The following F12 variants were observed in gnomAD, a reference collection of about 807,000 sequenced individuals.
The protein encoded by F12 is coagulation factor XII, also known as Hageman factor.
In F12, 70 loss-of-function variants were observed where a neutral mutation model predicts 74.8. That is an observed-to-expected ratio of 0.94 (90% confidence interval 0.77 to 1.14). The LOEUF (loss-of-function observed/expected upper bound fraction) is 1.14. F12 is among the 50% of genes most tolerant of loss of function. F12 has a pLI of 0.00. For synonymous variants in F12, 373 were observed against 356.4 expected, an observed-to-expected ratio of 1.05 and a Z score of -0.52; for missense variants, 811 against 835.7, an observed-to-expected ratio of 0.97 and a Z score of 0.36.
Position 177,405,943 on chromosome 5 carries a change from C to G in F12, c.215+19G>C. The G allele has an allele frequency of 6.2e-7, 1 of 1,612,182 alleles. No homozygotes were observed. The highest frequency in any genetic ancestry group is 8.5e-7 in the Non-Finnish European group (1 of 1,178,312). On this transcript the variant is annotated intron_variant, in intron 3 of 13. Transcript: ENST00000253496. ...CATGTCTCCCAGGCCCCTGCTCCAA[C>G]TCCTCTGCGTAGTCTTACCAGGGCT...
chr5:177,404,139 G>A (rs1180698639), intron 9 of F12, 49 bp from the exon 10 acceptor site: 4 of 1,585,640 alleles, frequency 2.5e-6, no homozygotes, highest in Non-Finnish European at 3.4e-6. Context: ...CCGGCTGGCC[G>A]GAATCTAGCT....
intron 2 of F12, among the ~76,000 whole-genome samples, chr5:177,406,346 G>A (rs1763294012): frequency 5.3e-5 from 8 of 152,306 alleles, no homozygotes; most frequent in Middle Eastern, 3.4e-3. Flanking sequence ...AAAATTAGCT[G>A]GGGGTGGTGG....
intron 2 of F12, 45 bp downstream of exon 2, chr5:177,409,001 C>T (rs1278162985): frequency 1.9e-6 from 3 of 1,541,842 alleles, no homozygotes; most frequent in South Asian, 1.2e-5. Context: ...GCACCATACA[C>T]ATCCCCACCC....
In F12 at chr5:177,402,561, CG is replaced by C. The variant is rs1561639482; in HGVS notation, c.1668del (p.Asp557MetfsTer107). Reference sequence around the variant, plus strand: ...GGCTAAGAGCTCACCTGGCACGCATCGGTGCCGCCCTCGAGGAACCCTGCGC... The same window carrying C: ...GGCTAAGAGCTCACCTGGCACGCATCGTGCCGCCCTCGAGGAACCCTGCGC... ...MLCAGFLEGGTDACQGDSGGP... is the reference protein window; with the variant it reads ...MLCAGFLEGGXDACQGDSGGP... On this transcript the variant is annotated frameshift_variant, in exon 13 of 14. Coordinates refer to ENST00000253496, the MANE Select transcript of F12 (RefSeq NM_000505.4). LOFTEE classifies it low-confidence loss of function (END_TRUNC). 9 of 1,611,692 alleles carry C rather than the reference CG, an allele frequency of 5.6e-6. No individual in the cohort carries two copies. Among genetic ancestry groups the C allele is most frequent in the Non-Finnish European group, 7.6e-6 (9 of 1,179,348 alleles).
At chr5:177,408,323 G>C (rs370818450) in intron 2 of F12, among the ~76,000 whole-genome samples, 3 of 152,278 alleles carry the variant, frequency 2.0e-5, no homozygotes, top group East Asian at 1.9e-4. Context: ...CAAAGTGCTG[G>C]GATTACAGGC....
chr5:177,408,200 C>A (rs1345900850), intron 2 of F12, among the ~76,000 whole-genome samples: 1 of 152,074 alleles, frequency 6.6e-6, no homozygotes, highest in African/African-American at 2.4e-5. Flanking sequence ...GGACTACTGG[C>A]GCATGCCACC....
At chr5:177,403,835 G>A (rs939692296) in intron 10 of F12, 24 bp downstream of exon 10, 14 of 1,494,598 alleles carry the variant, frequency 9.4e-6, no homozygotes, top group African/African-American at 1.4e-5. Flanking sequence ...CCCCTGGGGC[G>A]GCTCTGGGCG....
At chr5:177,403,677 A>G in intron 10 of F12, 60 bp from the exon 11 acceptor site, 2 of 1,576,484 alleles carry the variant, frequency 1.3e-6, no homozygotes, top group South Asian at 2.2e-5. Context: ...GTTCTGGGGA[A>G]GCCCCCTGCT....
intron 3 of F12, 24 bp downstream of exon 3, chr5:177,405,938 T>G (rs1427949889): frequency 6.2e-7 from 1 of 1,610,480 alleles, no homozygotes; most frequent in Admixed American, 1.7e-5. Context: ...AGGCCCCTGC[T>G]CCAACTCCTC....
chr5:177,403,253 C>A lies in F12; in HGVS notation c.1531+1G>T, dbSNP rs767075430. 2 of 1,600,654 alleles carry A rather than the reference C, an allele frequency of 1.2e-6. No individual in the cohort carries two copies. The highest frequency in any genetic ancestry group is 2.2e-5 in the South Asian group (2 of 91,070). ...CCCCTGCCCCTAGCAGTTGTGCCTA[C>A]CCTCGAACTGGTGGCCCCAGCCGGC... On this transcript the variant is annotated splice_donor_variant, in intron 12 of 13. Transcript: ENST00000253496. LOFTEE classifies it high-confidence loss of function.
chr5:177,406,522 A>G (rs1297268618), intron 2 of F12, among the ~76,000 whole-genome samples: 3 of 152,080 alleles, frequency 2.0e-5, no homozygotes, highest in African/African-American at 4.8e-5. Flanking sequence ...TTCAGGAGTC[A>G]GATAGCTGGA....
At position 177,404,178 on chromosome 5, in the gene F12, C is replaced by A. The variant is rs751557350; in HGVS notation, c.1018+18G>T. On this transcript the variant is annotated intron_variant, in intron 9 of 13. Coordinates refer to ENST00000253496, the MANE Select transcript of F12 (RefSeq NM_000505.4). ...CCGGCGCCCTCTCGGCTCCTCCTTC[C>A]CCCCCCCACTTCCTAACCTCCCGGG... 42 of 1,404,220 alleles carry A rather than the reference C, an allele frequency of 3.0e-5. No homozygotes were observed. Among genetic ancestry groups the A allele is most frequent in the Admixed American group, 4.6e-5 (2 of 43,920 alleles). 87.0% of individuals were successfully genotyped at this position (1,404,220 alleles called of 1,614,324 possible).
At chr5:177,407,371 G>C (rs1172432677) in intron 2 of F12, among the ~76,000 whole-genome samples, 2 of 152,196 alleles carry the variant, frequency 1.3e-5, no homozygotes, top group Admixed American at 1.3e-4. Context: ...AGCAGTGTCT[G>C]GCACAAAGTA....
Position 177,404,083 on chromosome 5 carries a change from C to G in F12, c.1026G>C (p.Pro342=), listed in dbSNP as rs973137713. The G allele has an allele frequency of 1.9e-6, 3 of 1,602,426 alleles. No individual in the cohort carries two copies. Among genetic ancestry groups the G allele is most frequent in the Admixed American group, 3.4e-5 (2 of 59,608 alleles). ...PPQSQTPGAL[P]AKREQPPSLT... ...GGGAAGGCGGCTGCTCCCGCTTCGC[C>G]GGCAAGGCTGTGGAGGAGCAGGGGC... The change falls in exon 10 of 14, where the codon CCG becomes CCC. Residue 342 remains proline, a synonymous_variant. Coordinates refer to ENST00000253496, the MANE Select transcript of F12 (RefSeq NM_000505.4).
rs17876017 is a variant in F12, at chr5:177,407,344, A to C, written c.116-1283T>G. Among the ~76,000 whole-genome samples the C allele has an allele frequency of 5.9e-3, 901 of 152,308 alleles. 11 individuals are homozygous for C. Among genetic ancestry groups the C allele is most frequent in the African/African-American group, 0.021 (858 of 41,564 alleles). On this transcript the variant is annotated intron_variant, in intron 2 of 13. Coordinates refer to ENST00000253496, the MANE Select transcript of F12 (RefSeq NM_000505.4). ...GAATTGTCGTGGGGCTTCATGAGAT[A>C]ATGCCATGAAATGCTGAGCAGTGTC...
At position 177,403,378 on chromosome 5, in the gene F12, C is replaced by A. The variant is rs1003936722; in HGVS notation, c.1407G>T (p.Glu469Asp). Residue 469 changes from glutamate (E) to aspartate (D), a missense_variant, in exon 12 of 14, where the codon GAG becomes GAT. Coordinates refer to ENST00000253496, the MANE Select transcript of F12 (RefSeq NM_000505.4). ...GGAGCGCGCAGCTGCCGTCCGCATC[C>A]TCCTGAAGGCGCAACAGAGCTAACC... ...QHDLALLRLQ[E>D]DADGSCALLS... 2 of 1,598,094 alleles carry A rather than the reference C, an allele frequency of 1.3e-6. No homozygotes were observed. Among genetic ancestry groups the A allele is most frequent in the African/African-American group, 2.7e-5 (2 of 74,892 alleles).
chr5:177,402,341 G>T lies in F12; in HGVS notation c.1799C>A (p.Thr600Asn). ...CCAGGCCAGGTAGTAGGCCACATCG[G>T]TGTAGACGCCTGGCTTGTTGCGGTC... is the stretch of plus-strand genomic sequence containing the variant. ...CGDRNKPGVY[T>N]DVAYYLAWIR... The change falls in exon 14 of 14, where the codon ACC becomes AAC. Residue 600 changes from threonine (T) to asparagine (N), a missense_variant. Physicochemically the swap from Thr to Asn is moderately conservative, Grantham distance 65. Coordinates refer to ENST00000253496, the MANE Select transcript of F12 (RefSeq NM_000505.4). 6.2e-7 allele frequency: 1 copy of T among 1,613,854 alleles called. No homozygotes were observed. The highest frequency in any genetic ancestry group is 1.3e-5 in the African/African-American group (1 of 75,066).
rs772974790 is a variant in F12, at chr5:177,403,514, C to T, written c.1354G>A (p.Ala452Thr). The T allele has an allele frequency of 1.0e-5, 16 of 1,578,948 alleles. No individual in the cohort carries two copies. In the African/African-American group the frequency reaches 2.0e-4, roughly 20 times the overall value. Residue 452 changes from alanine (A) to threonine (T), a missense_variant, in exon 11 of 14, where the codon GCC becomes ACC. By Grantham distance (58) the Ala-to-Thr change is moderately conservative. Transcript: ENST00000253496. ...LAVRSYRLHE[A>T]FSPVSYQHDL... Reference sequence around the variant, plus strand: ...TGCTGGTAGCTGACGGGCGAGAAGGCCTCGTGCAAGCGGTAGGAGCGCACG... The same window carrying T: ...TGCTGGTAGCTGACGGGCGAGAAGGTCTCGTGCAAGCGGTAGGAGCGCACG...
Position 177,405,189 on chromosome 5 carries a change from G to T in F12, c.398-4C>A. ...AGCTGAGGCTCAAAGCACTTCTCTG[G>T]GGACAAAGAGGGATAGTGGTCTCAG... On this transcript the variant is annotated splice_polypyrimidine_tract_variant and splice_region_variant and intron_variant, in intron 5 of 13. Coordinates refer to ENST00000253496, the MANE Select transcript of F12 (RefSeq NM_000505.4). 1 of 1,613,792 alleles carries T rather than the reference G, an allele frequency of 6.2e-7. No homozygotes were observed. The highest frequency in any genetic ancestry group is 8.5e-7 in the Non-Finnish European group (1 of 1,180,036).
Sources: allele counts gnomAD v4.1 joint callset (sites outside exome capture counted in the v4.1 genomes callset), GRCh38; gene constraint gnomAD v4.1.1; transcripts MANE v1.5; gene names NCBI Gene and HGNC (gene_info 2026-07-23, HGNC 2026-07-21).